The following SFI1 variants were observed in gnomAD, a reference collection of about 807,000 sequenced individuals.
SFI1 encodes the protein SFI1 centrin binding protein.
SFI1 carries 195 observed loss-of-function variants against 207.5 expected under a neutral mutation model. The ratio of observed to expected loss-of-function variants is 0.94; its 90% CI spans 0.84 to 1.06. SFI1 has a LOEUF of 1.06. Ranked by LOEUF, SFI1 falls within the 50% of genes least tolerant of loss-of-function variation. The probability of loss-of-function intolerance (pLI) is 0.00; values close to 1 mark genes in which losing one functional copy is unlikely to be tolerated. For missense variants in SFI1, 1,634 were observed against 1,588.0 expected (o/e 1.03, Z -0.49); for synonymous variants, 630 against 598.9 (o/e 1.05, Z -0.76).
At chr22:31,588,249 G>T (rs987062669) in intron 14 of SFI1, among the ~76,000 whole-genome samples, 7 of 152,212 alleles carry the variant, frequency 4.6e-5, no homozygotes, top group African/African-American at 1.7e-4. Flanking sequence ...GTTAACCAAA[G>T]AACCTGTGTA....
intron 2 of SFI1, among the ~76,000 whole-genome samples, chr22:31,514,761 G>A (rs977919326): frequency 6.6e-6 from 1 of 151,300 alleles, no homozygotes; most frequent in Non-Finnish European, 1.5e-5. Context: ...TGTCGAAAAC[G>A]ACAGAATTTC....
At chr22:31,544,007 G>A (rs1303474126) in intron 4 of SFI1, among the ~76,000 whole-genome samples, 3 of 151,798 alleles carry the variant, frequency 2.0e-5, no homozygotes, top group African/African-American at 7.3e-5. Context: ...TGGGCAACAT[G>A]GCGAAAACCC....
chr22:31,506,033 C>A (rs1288533618), intron 1 of SFI1, among the ~76,000 whole-genome samples: 2 of 150,460 alleles, frequency 1.3e-5, no homozygotes, highest in Non-Finnish European at 3.0e-5. Context: ...GCCTGGGTGA[C>A]AGAGGGAAAT....
At chr22:31,545,044 T>C (rs1443109737) in intron 4 of SFI1, among the ~76,000 whole-genome samples, 1 of 151,956 alleles carries the variant, frequency 6.6e-6, no homozygotes, top group East Asian at 1.9e-4. Flanking sequence ...ACACCACAGG[T>C]GCGTGCCTCC....
At chr22:31,595,026 T>C (rs960437794) in intron 15 of SFI1, among the ~76,000 whole-genome samples, 37 of 152,088 alleles carry the variant, frequency 2.4e-4, no homozygotes, top group African/African-American at 8.9e-4. Context: ...AGTTGGAGTC[T>C]TGTCCTTTCG....
chr22:31,592,979 G>A (rs1338545129), intron 15 of SFI1, among the ~76,000 whole-genome samples: 2 of 114,022 alleles, frequency 1.8e-5, no homozygotes, highest in South Asian at 2.9e-4. Flanking sequence ...CTGGCCGGGC[G>A]GGGGGCTGAC....
chr22:31,515,884 C>T (rs1045949596), intron 2 of SFI1, among the ~76,000 whole-genome samples: 14 of 151,806 alleles, frequency 9.2e-5, no homozygotes, highest in Admixed American at 2.0e-4. Context: ...ACTACAGTCA[C>T]GCACCACCAT....
In SFI1 at chr22:31,593,724, G is replaced by A. The variant is rs1051026396; in HGVS notation, c.1544+4147G>A. Among the ~76,000 whole-genome samples, 146 of 149,832 alleles carry A rather than the reference G, an allele frequency of 9.7e-4. 1 individual carries two copies. Among genetic ancestry groups the A allele is most frequent in the Admixed American group, 1.3e-3 (19 of 14,994 alleles). On this transcript the variant is annotated intron_variant, in intron 15 of 32. Coordinates refer to ENST00000400288, the MANE Select transcript of SFI1 (RefSeq NM_001007467.3). Reference sequence around the variant, plus strand: ...GGGCACCATTGAGCACTGAGTGAACGAGACTCCGTCTGCAATCCTGGCACC... The same window carrying A: ...GGGCACCATTGAGCACTGAGTGAACAAGACTCCGTCTGCAATCCTGGCACC...
At chr22:31,584,089 C>A in intron 13 of SFI1, 117 bp downstream of exon 13, 1 of 861,408 alleles carries the variant, frequency 1.2e-6, no homozygotes, top group Non-Finnish European at 1.9e-6. Flanking sequence ...GAAAGGCCTG[C>A]TGGGGTGGAG....
chr22:31,541,994 C>T (rs903883509), intron 4 of SFI1, among the ~76,000 whole-genome samples: 5 of 146,724 alleles, frequency 3.4e-5, no homozygotes, highest in Admixed American at 6.9e-5. Context: ...CCAGCTACTC[C>T]GGAGGCTGAG....
chr22:31,588,057 T>G (rs1308997800), intron 14 of SFI1: 2 of 152,190 alleles, frequency 1.3e-5, no homozygotes, highest in Admixed American at 1.3e-4. Flanking sequence ...AACCATTCTA[T>G]TATGCTTTAT....
rs145147347 is a variant in SFI1 at position 31,517,694 on chromosome 22, C to T, written c.92+9318C>T. Among the ~76,000 whole-genome samples the T allele has an allele frequency of 4.1e-4, 63 of 152,104 alleles. 2 individuals are homozygous for T. In the South Asian group the frequency reaches 0.013, roughly 31 times the overall value. On this transcript the variant is annotated intron_variant, in intron 2 of 32. Coordinates refer to ENST00000400288, the MANE Select transcript of SFI1 (RefSeq NM_001007467.3). ...ACATGGGTATGTAATTGTCCTAGCACAGTTTATTGAAAAAACTGCTCTATA... is the reference window on the plus strand; with the variant it reads ...ACATGGGTATGTAATTGTCCTAGCATAGTTTATTGAAAAAACTGCTCTATA...
chr22:31,584,363 G>A (rs1429787713), intron 13 of SFI1, among the ~76,000 whole-genome samples: 1 of 152,186 alleles, frequency 6.6e-6, no homozygotes, highest in African/African-American at 2.4e-5. Context: ...TAGTCATTCA[G>A]TTAAATAAAT....
intron 4 of SFI1, among the ~76,000 whole-genome samples, chr22:31,537,568 C>G (rs2059112205): frequency 1.3e-5 from 2 of 152,162 alleles, no homozygotes; most frequent in Admixed American, 1.3e-4. Context: ...GAGACCTGAG[C>G]TTCGGTTCTA....
At chr22:31,502,970 G>T (rs1333471717) in intron 1 of SFI1, among the ~76,000 whole-genome samples, 1 of 145,936 alleles carries the variant, frequency 6.9e-6, no homozygotes. Context: ...CAGAAGAATC[G>T]CTTGAACCCA....
At chr22:31,549,343 G>A (rs1471913357) in intron 5 of SFI1, among the ~76,000 whole-genome samples, 1 of 141,334 alleles carries the variant, frequency 7.1e-6, no homozygotes, top group African/African-American at 2.7e-5. Context: ...AAACATCATG[G>A]ATTTTTTTTT....
Position 31,575,328 on chromosome 22 carries a change from T to C in SFI1, c.1020T>C (p.His340=), listed in dbSNP as rs933676640. 1 of 1,613,434 alleles carries C rather than the reference T, an allele frequency of 6.2e-7. No individual in the cohort carries two copies. Among genetic ancestry groups the C allele is most frequent in the Non-Finnish European group, 8.5e-7 (1 of 1,179,794 alleles). ...WERRESLYAH[H]AQVEKLARKM... is the part of the protein sequence containing the mutation. ...GGAGGGAGAGCTTGTACGCTCACCATGCCCAGGTGGAGAAACTGGCCAGGA... is the reference window on the plus strand; with the variant it reads ...GGAGGGAGAGCTTGTACGCTCACCACGCCCAGGTGGAGAAACTGGCCAGGA... The change falls in exon 10 of 33, where the codon CAT becomes CAC. Residue 340 remains histidine (H), a synonymous_variant. Coordinates refer to ENST00000400288, the MANE Select transcript of SFI1 (RefSeq NM_001007467.3).
intron 1 of SFI1, among the ~76,000 whole-genome samples, chr22:31,504,962 C>G (rs2054389410): frequency 6.6e-6 from 1 of 152,204 alleles, no homozygotes; most frequent in South Asian, 2.1e-4. Flanking sequence ...GATAATGTCA[C>G]ATTCGCAGGT....
chr22:31,529,434 G>A (rs985988216), intron 3 of SFI1, among the ~76,000 whole-genome samples: 3 of 152,126 alleles, frequency 2.0e-5, no homozygotes, highest in Non-Finnish European at 4.4e-5. Context: ...GCTAAGGCAC[G>A]AGAATCGCTT....
Sources: allele counts gnomAD v4.1 joint callset (sites outside exome capture counted in the v4.1 genomes callset), GRCh38; gene constraint gnomAD v4.1.1; transcripts MANE v1.5; gene names NCBI Gene and HGNC (gene_info 2026-07-23, HGNC 2026-07-21).